The following IGF2BP2 variants were observed in gnomAD, a reference collection of about 807,000 sequenced individuals.
IGF2BP2 encodes the protein insulin like growth factor 2 mRNA binding protein 2.
A neutral mutation model predicts 75.8 loss-of-function variants in IGF2BP2; 17 were observed. The ratio of observed to expected loss-of-function variants is 0.22; its 90% CI spans 0.15 to 0.34. The LOEUF (loss-of-function observed/expected upper bound fraction) is 0.34, where lower values mean the gene tolerates loss of function less well. Among genes scored for constraint, IGF2BP2 ranks in the 10% least tolerant of loss-of-function variants. The pLI, the probability that IGF2BP2 is intolerant of heterozygous loss-of-function variation, is 1.00. For missense variants in IGF2BP2, 516 were observed against 772.4 expected (o/e 0.67, Z 3.93); for synonymous variants, 288 against 295.6 (o/e 0.97, Z 0.26).
chr3:185,796,505 T>C (rs892539232), intron 2 of IGF2BP2, among the ~76,000 whole-genome samples: 9 of 140,424 alleles, frequency 6.4e-5, no homozygotes, highest in Non-Finnish European at 9.0e-5. Context: ...GCAGAGGTTG[T>C]AGTGAGCAGA....
chr3:185,698,445 C>A, intron 2 of IGF2BP2, 98 bp from the exon 3 acceptor site: 1 of 1,114,248 alleles, frequency 9.0e-7, no homozygotes, highest in South Asian at 1.3e-5. Context: ...AATTTGTTTT[C>A]TCACTGTGTT....
intron 5 of IGF2BP2, 31 bp from the exon 6 acceptor site, chr3:185,689,658 C>T: frequency 6.2e-7 from 1 of 1,613,704 alleles, no homozygotes; most frequent in Middle Eastern, 1.7e-4. Flanking sequence ...GGAGCTTCGT[C>T]AGAAACCAAC....
At chr3:185,792,874 G>A (rs1736841833) in intron 2 of IGF2BP2, among the ~76,000 whole-genome samples, 1 of 151,412 alleles carries the variant, frequency 6.6e-6, no homozygotes, top group Admixed American at 6.6e-5. Context: ...TAGTAGCACT[G>A]GACTCCCATG....
At position 185,671,434 on chromosome 3, in the gene IGF2BP2, T is replaced by C. The variant is rs1033833673; in HGVS notation, c.1200+1107A>G. On this transcript the variant is annotated intron_variant, in intron 10 of 15. Transcript: ENST00000382199. ...TGCCTGTAATCCCAGCTACTTGGGA[T>C]GCTGAGGCACGAGAATAGCTCGAAC... 1.4e-4 allele frequency among the ~76,000 whole-genome samples: 21 copies of C among 149,892 alleles called. No homozygotes were observed. In the Admixed American group the frequency reaches 1.4e-3, roughly 10 times the overall value.
chr3:185,698,016 A>G (rs1014502837), intron 3 of IGF2BP2, among the ~76,000 whole-genome samples: 2 of 152,138 alleles, frequency 1.3e-5, no homozygotes, highest in African/African-American at 4.8e-5. Context: ...TGAGATACAA[A>G]TCACAACCAG....
intron 2 of IGF2BP2, among the ~76,000 whole-genome samples, chr3:185,708,715 C>T (rs143867614): frequency 6.2e-4 from 94 of 152,238 alleles, no homozygotes; most frequent in African/African-American, 2.2e-3. Flanking sequence ...TGAGAACCTT[C>T]CTCAAAGCAT....
intron 2 of IGF2BP2, among the ~76,000 whole-genome samples, chr3:185,822,483 G>A (rs950645577): frequency 3.9e-5 from 6 of 152,112 alleles, no homozygotes; most frequent in African/African-American, 1.2e-4. Context: ...TTGTTACTCC[G>A]TCATTAACAA....
intron 7 of IGF2BP2, among the ~76,000 whole-genome samples, chr3:185,684,408 T>C (rs1720824498): frequency 6.6e-6 from 1 of 152,104 alleles, no homozygotes; most frequent in Non-Finnish European, 1.5e-5. Context: ...TTTTTTTTTT[T>C]TCTTTTCTTG....
intron 6 of IGF2BP2, 101 bp downstream of exon 6, chr3:185,689,254 C>A (rs1319864094): frequency 8.2e-7 from 1 of 1,220,682 alleles, no homozygotes; most frequent in Non-Finnish European, 1.2e-6. Flanking sequence ...GCACAGCCCC[C>A]CACTGCTGAT....
At chr3:185,768,252 G>A (rs777566868) in intron 2 of IGF2BP2, among the ~76,000 whole-genome samples, 2 of 152,158 alleles carry the variant, frequency 1.3e-5, no homozygotes, top group Non-Finnish European at 2.9e-5. Flanking sequence ...ACTTTCCCAA[G>A]AGTATCTCTA....
Position 185,693,865 on chromosome 3 carries a change from C to T in IGF2BP2, c.341-1103G>A, listed in dbSNP as rs922530449. Among the ~76,000 whole-genome samples the T allele has an allele frequency of 3.9e-5, 6 of 152,130 alleles. No homozygotes were observed. In the East Asian group the frequency reaches 9.6e-4, roughly 24 times the overall value. On this transcript the variant is annotated intron_variant, in intron 4 of 15. Coordinates refer to ENST00000382199, the MANE Select transcript of IGF2BP2 (RefSeq NM_006548.6). ...AGTAATAATAAAACTCTATAATATACGATTCTTTACACTGGACCCATGCTT... is the reference window on the plus strand; with the variant it reads ...AGTAATAATAAAACTCTATAATATATGATTCTTTACACTGGACCCATGCTT...
intron 2 of IGF2BP2, among the ~76,000 whole-genome samples, chr3:185,706,522 T>C (rs1322857311): frequency 2.0e-5 from 3 of 152,206 alleles, no homozygotes; most frequent in Non-Finnish European, 4.4e-5. Flanking sequence ...TTGGACAAGA[T>C]GGTGAAGGAA....
At chr3:185,698,583 C>A (rs998236265) in intron 2 of IGF2BP2, among the ~76,000 whole-genome samples, 2 of 152,136 alleles carry the variant, frequency 1.3e-5, no homozygotes, top group African/African-American at 4.8e-5. Context: ...CGGCTCACTG[C>A]AACCTCTGCC....
chr3:185,824,760 A>G (rs1009475907), intron 1 of IGF2BP2, 23 bp downstream of exon 1: 4 of 1,275,106 alleles, frequency 3.1e-6, no homozygotes, highest in African/African-American at 1.6e-5. Context: ...AGGCGGGGGG[A>G]GGGGGCCGCG....
At chr3:185,677,950 G>A (rs1234623325) in intron 7 of IGF2BP2, among the ~76,000 whole-genome samples, 1 of 152,122 alleles carries the variant, frequency 6.6e-6, no homozygotes, top group African/African-American at 2.4e-5. Flanking sequence ...AGAGAGCCTA[G>A]GGACCTATGA....
Position 185,675,408 on chromosome 3 carries a change from T to C in IGF2BP2, c.959A>G (p.Asn320Ser). The C allele has an allele frequency of 1.2e-6, 2 of 1,612,000 alleles. No homozygotes were observed. The highest frequency in any genetic ancestry group is 1.7e-6 in the Non-Finnish European group (2 of 1,179,528). The change falls in exon 9 of 16, where the codon AAC (asparagine) becomes AGC (serine). Residue 320 changes from asparagine to serine, a missense_variant. Coordinates refer to ENST00000382199, the MANE Select transcript of IGF2BP2 (RefSeq NM_006548.6). ...ISSLQDLSIY[N>S]PERTITVKGT... ...CTTCACAGTGATGGTTCTTTCCGGGTTGTATATGCTCAAATCCTGCAAACT... is the reference window on the plus strand; with the variant it reads ...CTTCACAGTGATGGTTCTTTCCGGGCTGTATATGCTCAAATCCTGCAAACT...
chr3:185,694,355 T>C (rs1371355122), intron 4 of IGF2BP2, among the ~76,000 whole-genome samples: 1 of 152,228 alleles, frequency 6.6e-6, no homozygotes, highest in Admixed American at 6.5e-5. Flanking sequence ...AATAAAGCTA[T>C]CCATTAGGAT....
chr3:185,668,506 G>GATATATATATAT (rs1221304712), intron 10 of IGF2BP2, among the ~76,000 whole-genome samples: 8 of 128,006 alleles, frequency 6.2e-5, no homozygotes, highest in Non-Finnish European at 1.0e-4. Flanking sequence ...GAGAGAGAGA[G>GATATATATATAT]AGATATATAT....
intron 2 of IGF2BP2, among the ~76,000 whole-genome samples, chr3:185,723,319 ACAG>A (rs1478959620): frequency 6.6e-6 from 1 of 152,218 alleles, no homozygotes; most frequent in Non-Finnish European, 1.5e-5. Context: ...GCTTGGGTCC[ACAG>A]CAGCCTACAG....
Sources: allele counts gnomAD v4.1 joint callset (sites outside exome capture counted in the v4.1 genomes callset), GRCh38; gene constraint gnomAD v4.1.1; transcripts MANE v1.5; gene names NCBI Gene and HGNC (gene_info 2026-07-23, HGNC 2026-07-21).